The following PARD3 variants were observed in gnomAD, a reference collection of about 807,000 sequenced individuals.
The protein encoded by PARD3 is partitioning defective 3 homolog.
A neutral mutation model predicts 155.4 loss-of-function variants in PARD3; 75 were observed. The observed-to-expected ratio is 0.48, with a 90% confidence interval of 0.40 to 0.58. The LOEUF (loss-of-function observed/expected upper bound fraction) is 0.58, where lower values mean the gene tolerates loss of function less well. Ranked by LOEUF, PARD3 falls within the 20% of genes least tolerant of loss-of-function variation. The probability of loss-of-function intolerance (pLI) is 0.00; values close to 1 mark genes in which losing one functional copy is unlikely to be tolerated. For missense variants in PARD3, 1,642 were observed against 1,721.7 expected, an observed-to-expected ratio of 0.95 and a Z score of 0.82; for synonymous variants, 576 against 610.5, an observed-to-expected ratio of 0.94 and a Z score of 0.83.
intron 5 of PARD3, among the ~76,000 whole-genome samples, chr10:34,447,253 G>A (rs909940383): frequency 6.6e-6 from 1 of 151,986 alleles, no homozygotes; most frequent in Non-Finnish European, 1.5e-5. Context: ...GCTGAGGCAG[G>A]TGTATCACTT....
intron 22 of PARD3, among the ~76,000 whole-genome samples, chr10:34,261,145 C>T (rs950603351): frequency 6.6e-6 from 1 of 152,172 alleles, no homozygotes; most frequent in Non-Finnish European, 1.5e-5. Flanking sequence ...GGACAATGCA[C>T]TCCTGGTGGC....
At chr10:34,477,989 C>G (rs1268549432) in intron 3 of PARD3, among the ~76,000 whole-genome samples, 1 of 152,162 alleles carries the variant, frequency 6.6e-6, no homozygotes, top group Non-Finnish European at 1.5e-5. Flanking sequence ...GCAAAACCAA[C>G]CTTCAGATAT....
intron 20 of PARD3, among the ~76,000 whole-genome samples, chr10:34,316,293 T>C (rs1168563937): frequency 6.6e-6 from 1 of 152,216 alleles, no homozygotes; most frequent in Admixed American, 6.5e-5. Flanking sequence ...CTGAATATTA[T>C]AAATCATCTT....
intron 2 of PARD3, among the ~76,000 whole-genome samples, chr10:34,589,597 T>C (rs2088454142): frequency 6.8e-6 from 1 of 147,728 alleles, no homozygotes; most frequent in Non-Finnish European, 1.5e-5. Context: ...TGTGGCACTT[T>C]CTTATGGCAT....
chr10:34,436,922 C>A (rs897737989), intron 5 of PARD3, among the ~76,000 whole-genome samples: 1 of 151,968 alleles, frequency 6.6e-6, no homozygotes, highest in African/African-American at 2.4e-5. Context: ...TTGAAAGGAG[C>A]CACAAGAAAC....
intron 7 of PARD3, among the ~76,000 whole-genome samples, chr10:34,396,749 T>G (rs1309649989): frequency 6.6e-6 from 1 of 152,138 alleles, no homozygotes; most frequent in African/African-American, 2.4e-5. Context: ...GAATATATAT[T>G]ATTGTAGTCC....
At chr10:34,152,023 C>T (rs1415252851) in intron 22 of PARD3, among the ~76,000 whole-genome samples, 5 of 152,036 alleles carry the variant, frequency 3.3e-5, no homozygotes, top group African/African-American at 1.2e-4. Flanking sequence ...ATACTTTTGC[C>T]TTTTCTTAAA....
chr10:34,310,108 A>G (rs975010850), intron 20 of PARD3, among the ~76,000 whole-genome samples: 4 of 152,214 alleles, frequency 2.6e-5, no homozygotes, highest in African/African-American at 9.6e-5. Flanking sequence ...TTACCTTTAT[A>G]TACTAATTTG....
chr10:34,265,353 AT>A (rs1385349245), intron 22 of PARD3, among the ~76,000 whole-genome samples: 1 of 152,208 alleles, frequency 6.6e-6, no homozygotes, highest in African/African-American at 2.4e-5. Context: ...TTAATAAATC[AT>A]CCCTGGCTGT....
intron 20 of PARD3, among the ~76,000 whole-genome samples, chr10:34,297,752 G>A (rs1564558997): frequency 6.6e-6 from 1 of 152,218 alleles, no homozygotes; most frequent in Non-Finnish European, 1.5e-5. Context: ...TCAGAGGCCC[G>A]AGGCCACCTG....
intron 22 of PARD3, among the ~76,000 whole-genome samples, chr10:34,186,446 G>A (rs1309922538): frequency 3.3e-5 from 5 of 151,898 alleles, no homozygotes; most frequent in Non-Finnish European, 4.4e-5. Context: ...GGTGCAGGCT[G>A]GAATTTGGAC....
At chr10:34,264,540 G>C (rs1437763398) in intron 22 of PARD3, among the ~76,000 whole-genome samples, 1 of 152,076 alleles carries the variant, frequency 6.6e-6, no homozygotes, top group African/African-American at 2.4e-5. Context: ...CCTTCATGTA[G>C]CCTACAACTT....
At chr10:34,486,610 T>C (rs2133265762) in intron 3 of PARD3, among the ~76,000 whole-genome samples, 1 of 152,268 alleles carries the variant, frequency 6.6e-6, no homozygotes, top group East Asian at 1.9e-4. Flanking sequence ...CAAGGTAGCT[T>C]TGGATGAGGC....
At chr10:34,461,703 T>C (rs1424493737) in intron 4 of PARD3, among the ~76,000 whole-genome samples, 1 of 152,344 alleles carries the variant, frequency 6.6e-6, no homozygotes, top group East Asian at 1.9e-4. Context: ...TTGTTCTATA[T>C]AATTTAATCA....
At chr10:34,657,523 T>G (rs35750422) in intron 2 of PARD3, among the ~76,000 whole-genome samples, 10,125 of 137,532 alleles carry the variant, frequency 0.074, 1,135 homozygotes, top group African/African-American at 0.27. Context: ...TGCTTCTCAG[T>G]TTTGTTTTGT....
intron 3 of PARD3, 94 bp from the exon 4 acceptor site, chr10:34,470,357 A>G: frequency 1.1e-6 from 1 of 929,476 alleles, no homozygotes; most frequent in African/African-American, 1.7e-5. Flanking sequence ...AGATTAAGGA[A>G]CAGAATTACA....
At chr10:34,721,951 G>A (rs2094613401) in intron 1 of PARD3, among the ~76,000 whole-genome samples, 1 of 152,162 alleles carries the variant, frequency 6.6e-6, no homozygotes, top group Non-Finnish European at 1.5e-5. Flanking sequence ...GCCAAACCAG[G>A]CAGATCGCTT....
intron 14 of PARD3, among the ~76,000 whole-genome samples, chr10:34,353,148 G>C (rs977636527): frequency 1.3e-5 from 2 of 151,970 alleles, no homozygotes; most frequent in East Asian, 1.9e-4. Flanking sequence ...GCCCCCGCCC[G>C]GCCAGCCGCC....
chr10:34,776,721 G>A (rs1430516539), intron 1 of PARD3, among the ~76,000 whole-genome samples: 5 of 151,598 alleles, frequency 3.3e-5, no homozygotes, highest in Non-Finnish European at 5.9e-5. Context: ...ACAACATTGT[G>A]AGCAGAAAAT....
Sources: gnomAD v4.1 joint callset for allele counts (sites outside exome capture counted in the v4.1 genomes callset) on GRCh38, gnomAD v4.1.1 for gene constraint, MANE v1.5 for transcripts, NCBI Gene and HGNC (gene_info 2026-07-23, HGNC 2026-07-21) for gene names.